KHDRBS2: variants seen among roughly 807,000 people sequenced by gnomAD.
KHDRBS2 encodes the protein KH RNA binding domain containing, signal transduction associated 2, also known as KH domain-containing, RNA-binding, signal transduction-associated protein 2.
Under a neutral mutation model 44.3 loss-of-function variants are expected in KHDRBS2, and 26 were observed. The ratio of observed to expected loss-of-function variants is 0.59; its 90% confidence interval spans 0.43 to 0.81. The LOEUF (loss-of-function observed/expected upper bound fraction) is 0.81, where lower values mean the gene tolerates loss of function less well. KHDRBS2 is among the 40% of genes least tolerant of loss of function. KHDRBS2 has a pLI of 0.00. For missense variants in KHDRBS2, 476 were observed against 433.1 expected (o/e 1.10, Z -0.88); for synonymous variants, 194 against 151.1 (o/e 1.28, Z -2.08).
chr6:61,583,772 C>T, the KHDRBS2 span, among the ~76,000 whole-genome samples: 1 of 151,388 alleles, frequency 6.6e-6, no homozygotes, highest in Non-Finnish European at 1.5e-5. Flanking sequence ...TTTTATTGAA[C>T]CTGTACTGAA....
At chr6:62,265,054 A>G (rs186788815) in intron 1 of KHDRBS2, among the ~76,000 whole-genome samples, 1 of 152,056 alleles carries the variant, frequency 6.6e-6, no homozygotes, top group East Asian at 1.9e-4. Flanking sequence ...GGAAATTTGC[A>G]TTTTTGTTAA....
At chr6:62,005,911 T>C (rs1306352878) in intron 3 of KHDRBS2, among the ~76,000 whole-genome samples, 2 of 151,942 alleles carry the variant, frequency 1.3e-5, no homozygotes, top group Non-Finnish European at 2.9e-5. Context: ...AAGCGATTAC[T>C]AACATTGACG....
At chr6:62,163,696 T>G (rs1818112700) in intron 2 of KHDRBS2, among the ~76,000 whole-genome samples, 1 of 152,014 alleles carries the variant, frequency 6.6e-6, no homozygotes. Flanking sequence ...AAAGAGGATC[T>G]TTGGTGCAGA....
At chr6:62,041,702 A>G (rs1489159241) in intron 3 of KHDRBS2, among the ~76,000 whole-genome samples, 1 of 152,132 alleles carries the variant, frequency 6.6e-6, no homozygotes, top group African/African-American at 2.4e-5. Flanking sequence ...GAAAGTTTCC[A>G]AGGAGCAGGT....
At chr6:61,625,913 C>T in the KHDRBS2 span, among the ~76,000 whole-genome samples, 1 of 152,136 alleles carries the variant, frequency 6.6e-6, no homozygotes, top group Admixed American at 6.5e-5. Flanking sequence ...TCTAATAACT[C>T]CTAACCATGG....
At chr6:61,915,905 G>T (rs181141109) in intron 4 of KHDRBS2, among the ~76,000 whole-genome samples, 12 of 151,956 alleles carry the variant, frequency 7.9e-5, no homozygotes, top group Admixed American at 7.9e-4. Flanking sequence ...CCATTAATTG[G>T]CTGTCTTCTG....
the KHDRBS2 span, among the ~76,000 whole-genome samples, chr6:61,631,305 CAAAAAAAAAAAAAA>C: frequency 3.3e-4 from 22 of 66,996 alleles, no homozygotes; most frequent in South Asian, 7.7e-3. Flanking sequence ...ACGAATAAGC[CAAAAAAAAAAAAAA>C]AAAAAAAAAA....
chr6:61,893,261 G>A (rs1441588892), intron 6 of KHDRBS2, among the ~76,000 whole-genome samples: 1 of 152,188 alleles, frequency 6.6e-6, no homozygotes, highest in African/African-American at 2.4e-5. Context: ...AGGTGCTGGA[G>A]AGGATGTGGA....
At chr6:61,701,520 C>T (rs1173451620) in intron 7 of KHDRBS2, among the ~76,000 whole-genome samples, 13 of 151,798 alleles carry the variant, frequency 8.6e-5, no homozygotes, top group Admixed American at 4.6e-4. Context: ...AGAAAGCATG[C>T]TGCAAAAATT....
chr6:61,684,731 A>G (rs1411458487), intron 8 of KHDRBS2, among the ~76,000 whole-genome samples: 3 of 151,784 alleles, frequency 2.0e-5, no homozygotes, highest in Non-Finnish European at 4.4e-5. Context: ...CAAAAAAGGT[A>G]CCAAATAACT....
intron 1 of KHDRBS2, among the ~76,000 whole-genome samples, chr6:62,214,794 T>C (rs1464843168): frequency 6.6e-6 from 1 of 151,976 alleles, no homozygotes; most frequent in Non-Finnish European, 1.5e-5. Flanking sequence ...TAAGTACGTC[T>C]CACATATGCT....
intron 4 of KHDRBS2, among the ~76,000 whole-genome samples, chr6:61,964,458 A>G (rs1234127257): frequency 1.3e-5 from 2 of 152,052 alleles, no homozygotes; most frequent in African/African-American, 4.8e-5. Flanking sequence ...ATTTGCAAAT[A>G]GCATATTCAC....
chr6:61,934,720 G>A (rs1583588110), intron 4 of KHDRBS2, among the ~76,000 whole-genome samples: 2 of 152,246 alleles, frequency 1.3e-5, no homozygotes, highest in East Asian at 3.9e-4. Flanking sequence ...TACTTTAGTG[G>A]AAGGAAGAAT....
rs192471506 is a variant in KHDRBS2 at position 62,077,022 on chromosome 6, G to A, written c.220-29028C>T. On this transcript the variant is annotated intron_variant, in intron 2 of 8. Transcript: ENST00000281156. Reference sequence around the variant, plus strand: ...GATTCCATCACTCTGCTCCACCCTGGGCAACACAGCAAGATCCTACATCTA... The same window carrying A: ...GATTCCATCACTCTGCTCCACCCTGAGCAACACAGCAAGATCCTACATCTA... Among the ~76,000 whole-genome samples the A allele has an allele frequency of 2.2e-3, 340 of 151,502 alleles. 2 individuals are homozygous for A. Among genetic ancestry groups the A allele is most frequent in the Non-Finnish European group, 3.8e-3 (257 of 67,842 alleles).
At chr6:61,633,108 A>C in the KHDRBS2 span, among the ~76,000 whole-genome samples, 1 of 152,088 alleles carries the variant, frequency 6.6e-6, no homozygotes, top group South Asian at 2.1e-4. Context: ...CAGAAAATGC[A>C]CCACAGGTAA....
At chr6:61,627,058 C>T in the KHDRBS2 span, among the ~76,000 whole-genome samples, 1 of 151,384 alleles carries the variant, frequency 6.6e-6, no homozygotes, top group Non-Finnish European at 1.5e-5. Flanking sequence ...TCGAGACCAT[C>T]CTGGCTAACA....
downstream of KHDRBS2, among the ~76,000 whole-genome samples, chr6:61,676,144 C>T (rs1222209193): frequency 2.0e-5 from 3 of 151,742 alleles, no homozygotes; most frequent in Admixed American, 6.6e-5. Context: ...GTTAGGACTA[C>T]TTGCTGATGG....
At chr6:61,688,254 G>A (rs1433558499) in intron 8 of KHDRBS2, among the ~76,000 whole-genome samples, 1 of 151,846 alleles carries the variant, frequency 6.6e-6, no homozygotes, top group Non-Finnish European at 1.5e-5. Flanking sequence ...AAGCTAGCTA[G>A]AGAAAGGATT....
At chr6:62,055,760 G>C (rs1790141102) in intron 2 of KHDRBS2, among the ~76,000 whole-genome samples, 2 of 151,940 alleles carry the variant, frequency 1.3e-5, no homozygotes, top group Non-Finnish European at 2.9e-5. Flanking sequence ...TTTCGTGGTG[G>C]GTTTTGTCAA....
Sources: allele counts gnomAD v4.1 joint callset (sites outside exome capture counted in the v4.1 genomes callset), GRCh38; gene constraint gnomAD v4.1.1; transcripts MANE v1.5; gene names NCBI Gene and HGNC (gene_info 2026-07-23, HGNC 2026-07-21).